Variants in SNX29 observed in about 807,000 individuals in gnomAD.
The protein encoded by SNX29 is sorting nexin 29.
In SNX29, 78 loss-of-function variants were observed where a neutral mutation model predicts 102.1. The observed-to-expected ratio is 0.76, with a 90% CI of 0.64 to 0.92. The LOEUF is 0.92. Among genes scored for constraint, SNX29 ranks in the 40% least tolerant of loss-of-function variants. The probability of loss-of-function intolerance (pLI) is 0.00; values close to 1 mark genes in which losing one functional copy is unlikely to be tolerated. For missense variants in SNX29, 1,280 were observed against 1,061.7 expected (o/e 1.21, Z -2.86); for synonymous variants, 580 against 414.5 (o/e 1.40, Z -4.85).
At chr16:12,317,840 C>A (rs111469271) in intron 15 of SNX29, among the ~76,000 whole-genome samples, 6,418 of 152,290 alleles carry the variant, frequency 0.042, 206 homozygotes, top group African/African-American at 0.078. Context: ...CTAATGACTC[C>A]CCGTGCCGGG....
Position 12,572,094 on chromosome 16 carries a change from T to TA in SNX29, c.*3465_*3466insA. On this transcript the variant is annotated 3_prime_UTR_variant, in exon 21 of 21. Coordinates refer to ENST00000566228, the MANE Select transcript of SNX29 (RefSeq NM_032167.5). ...GATCTAGGAAGAGGAAGGGGAGGGA[T>TA]GTGGACTGGGTCTGATCACAGCCCT... 1 of 1,023,790 alleles carries TA rather than the reference T, an allele frequency of 9.8e-7. No homozygotes were observed. Among genetic ancestry groups the TA allele is most frequent in the Non-Finnish European group, 1.2e-6 (1 of 842,402 alleles). 63.4% of individuals were successfully genotyped at this position (1,023,790 alleles called of 1,614,324 possible).
At chr16:12,366,311 C>A (rs1379461217) in intron 16 of SNX29, among the ~76,000 whole-genome samples, 1 of 152,164 alleles carries the variant, frequency 6.6e-6, no homozygotes, top group Non-Finnish European at 1.5e-5. Flanking sequence ...CTATTGCAGT[C>A]ATTATGTTCC....
intron 20 of SNX29, among the ~76,000 whole-genome samples, chr16:12,530,339 G>A (rs1381539588): frequency 1.3e-5 from 2 of 152,066 alleles, no homozygotes. Flanking sequence ...GAGATTGTGG[G>A]GAGCAGATAT....
At chr16:12,518,476 C>A (rs774788494) in intron 19 of SNX29, among the ~76,000 whole-genome samples, 1 of 152,200 alleles carries the variant, frequency 6.6e-6, no homozygotes, top group East Asian at 1.9e-4. Context: ...CCTTGACCAC[C>A]TGATGGCCAC....
chr16:12,507,865 G>T (rs980569332), intron 19 of SNX29, among the ~76,000 whole-genome samples: 5 of 152,130 alleles, frequency 3.3e-5, no homozygotes, highest in Admixed American at 6.5e-5. Context: ...CCTTTCTCCA[G>T]TTCCCAGCAT....
chr16:12,560,730 A>G (rs1388492714), intron 20 of SNX29: 1 of 167,754 alleles, frequency 6.0e-6, no homozygotes, highest in East Asian at 1.2e-4. Flanking sequence ...ATTCAACATC[A>G]AAACCAACCT....
At chr16:12,536,376 A>T (rs1296929759) in intron 20 of SNX29, among the ~76,000 whole-genome samples, 1 of 151,964 alleles carries the variant, frequency 6.6e-6, no homozygotes, top group Non-Finnish European at 1.5e-5. Context: ...AAGCTTGTTT[A>T]TGACTTTCAC....
At position 12,277,925 on chromosome 16, in the gene SNX29, C is replaced by T. The variant is rs754415397; in HGVS notation, c.1679-8C>T. 6.3e-6 allele frequency: 10 copies of T among 1,598,632 alleles called. No individual in the cohort carries two copies. The highest frequency in any genetic ancestry group is 8.5e-6 in the Non-Finnish European group (10 of 1,171,904). On this transcript the variant is annotated splice_region_variant and splice_polypyrimidine_tract_variant and intron_variant, in intron 14 of 20. Transcript: ENST00000566228. ...AAATATTTATGACATGTCTCTCTTT[C>T]TCTAAAGTGCCAAATCTTTGGAGTG...
chr16:12,565,179 C>T (rs976814517), intron 20 of SNX29, among the ~76,000 whole-genome samples: 6 of 152,108 alleles, frequency 3.9e-5, no homozygotes, highest in Admixed American at 6.5e-5. Flanking sequence ...CCTACCCAAC[C>T]CCCCACCTTC....
At chr16:12,564,212 AC>A (rs941036931) in intron 20 of SNX29, among the ~76,000 whole-genome samples, 8 of 135,920 alleles carry the variant, frequency 5.9e-5, no homozygotes, top group Non-Finnish European at 1.3e-4. Flanking sequence ...CCATAGGGAG[AC>A]CCCCACATCT....
intron 11 of SNX29, among the ~76,000 whole-genome samples, chr16:12,119,848 A>C (rs982909163): frequency 1.1e-4 from 17 of 152,208 alleles, no homozygotes; most frequent in Admixed American, 9.2e-4. Context: ...AGCAAGTGTA[A>C]TCATGCTTGC....
In SNX29 at chr16:12,572,642, C is replaced by T. The variant is rs1278965026; in HGVS notation, c.*4013C>T. The T allele has an allele frequency of 1.0e-5, 11 of 1,063,718 alleles. No homozygotes were observed. The highest frequency in any genetic ancestry group is 1.6e-5 in the African/African-American group (1 of 60,932). The allele number at this position is 1,063,718 out of a possible 1,614,324, so 65.9% of individuals were successfully genotyped here. A position where few individuals can be genotyped will look rare whatever the true frequency, so the allele number is the denominator to read the frequency against. On this transcript the variant is annotated 3_prime_UTR_variant, in exon 21 of 21. Coordinates refer to ENST00000566228, the MANE Select transcript of SNX29 (RefSeq NM_032167.5). ...CCCCAGAATCCATCCTTCATTCCTC[C>T]ACCAAGCTCCTGTGTGAGCTGCAGC...
intron 4 of SNX29, among the ~76,000 whole-genome samples, chr16:12,035,468 C>G (rs2151151095): frequency 6.6e-6 from 1 of 152,290 alleles, no homozygotes; most frequent in South Asian, 2.1e-4. Context: ...TTCTGGAAGG[C>G]ACTCTTGCGG....
intron 19 of SNX29, among the ~76,000 whole-genome samples, chr16:12,509,930 T>C (rs1012574211): frequency 7.2e-5 from 11 of 152,270 alleles, no homozygotes; most frequent in Non-Finnish European, 1.5e-4. Context: ...TCAGCATGTA[T>C]CTGTAAATTT....
chr16:12,290,132 T>G (rs1167484209), intron 15 of SNX29, among the ~76,000 whole-genome samples: 1 of 152,168 alleles, frequency 6.6e-6, no homozygotes, highest in East Asian at 1.9e-4. Context: ...TGCTTAAAAC[T>G]TACCAGTGGC....
intron 20 of SNX29, among the ~76,000 whole-genome samples, chr16:12,557,015 ACCCC>A (rs11387141): frequency 6.3e-5 from 2 of 31,812 alleles, no homozygotes; most frequent in Non-Finnish European, 1.3e-4. Context: ...TGGCTAATTT[ACCCC>A]CCCCCCGCCC....
intron 16 of SNX29, among the ~76,000 whole-genome samples, chr16:12,359,285 G>T (rs1344820147): frequency 6.6e-6 from 1 of 152,202 alleles, no homozygotes; most frequent in Non-Finnish European, 1.5e-5. Context: ...TTTGTTGATG[G>T]TTGTGGTATG....
intron 14 of SNX29, among the ~76,000 whole-genome samples, chr16:12,262,753 T>A (rs907826215): frequency 6.6e-6 from 1 of 152,246 alleles, no homozygotes; most frequent in South Asian, 2.1e-4. Flanking sequence ...TTGAATTGTT[T>A]TAATGCAGAT....
chr16:12,271,328 G>T (rs192457399), intron 14 of SNX29, among the ~76,000 whole-genome samples: 3 of 152,344 alleles, frequency 2.0e-5, no homozygotes, highest in Admixed American at 2.0e-4. Context: ...CATGGGGGCT[G>T]TTGGCTGCGT....
Sources: allele counts gnomAD v4.1 joint callset (sites outside exome capture counted in the v4.1 genomes callset), GRCh38; gene constraint gnomAD v4.1.1; transcripts MANE v1.5; gene names NCBI Gene and HGNC (gene_info 2026-07-23, HGNC 2026-07-21).